KIZ: variants seen among roughly 807,000 people sequenced by gnomAD.
KIZ encodes the protein centrosomal protein kizuna.
Under a neutral mutation model 79.6 loss-of-function variants are expected in KIZ, and 68 were observed. The ratio of observed to expected loss-of-function variants is 0.85; its 90% CI spans 0.70 to 1.05. The LOEUF (loss-of-function observed/expected upper bound fraction) is 1.05. Among genes scored for constraint, KIZ ranks in the 50% least tolerant of loss-of-function variants. The probability of loss-of-function intolerance (pLI) is 0.00; values close to 1 mark genes in which losing one functional copy is unlikely to be tolerated. For missense variants in KIZ, 797 were observed against 800.4 expected, an observed-to-expected ratio of 1.00 and a Z score of 0.05; for synonymous variants, 280 against 281.8, an observed-to-expected ratio of 0.99 and a Z score of 0.06.
intron 6 of KIZ, among the ~76,000 whole-genome samples, chr20:21,169,693 CT>C (rs1320542812): frequency 4.6e-5 from 7 of 152,232 alleles, no homozygotes; most frequent in Admixed American, 4.6e-4. Context: ...AAAATAGTTT[CT>C]CTACTTGAAA....
intron 8 of KIZ, 79 bp from the exon 9 acceptor site, chr20:21,215,504 T>TA (rs1283674314): frequency 4.2e-6 from 3 of 711,520 alleles, no homozygotes; most frequent in Non-Finnish European, 6.8e-6. Context: ...AAAGTGAACA[T>TA]AAAGGGAAGG....
At chr20:21,165,133 G>T (rs926124780) in intron 6 of KIZ, among the ~76,000 whole-genome samples, 19 of 152,102 alleles carry the variant, frequency 1.2e-4, no homozygotes, top group African/African-American at 4.1e-4. Context: ...TATTTCAATT[G>T]ACTTTAGGGT....
intron 7 of KIZ, among the ~76,000 whole-genome samples, chr20:21,210,998 G>A (rs924536422): frequency 1.3e-5 from 2 of 152,086 alleles, no homozygotes; most frequent in South Asian, 2.1e-4. Context: ...TGGACATTTT[G>A]TTGCAATCTT....
chr20:21,126,075 G>GA (rs397791672), upstream of KIZ: 1 of 1,474,372 alleles, frequency 6.8e-7, no homozygotes, highest in Non-Finnish European at 9.0e-7. Context: ...CGGCCGAACG[G>GA]CCACCCAGAG....
chr20:21,162,376 T>C lies in KIZ; in HGVS notation c.911T>C (p.Leu304Pro). The C allele has an allele frequency of 6.2e-7, 1 of 1,613,884 alleles. No homozygotes were observed. The change falls in exon 5 of 13, where the codon CTG becomes CCG. Residue 304 changes from leucine (L) to proline (P), a missense_variant. Transcript: ENST00000619189. ...DSSSGSEGEILTREHIEVEEK... is the reference protein window; with the variant it reads ...DSSSGSEGEIPTREHIEVEEK... The stretch of plus-strand genomic sequence containing the variant: ...TCCAGCGGATCAGAGGGAGAAATAC[T>C]GACACGGGAACATATTGAAGTTGAG...
At chr20:21,165,226 G>T (rs2033874745) in intron 6 of KIZ, among the ~76,000 whole-genome samples, 4 of 152,198 alleles carry the variant, frequency 2.6e-5, no homozygotes, top group Admixed American at 2.6e-4. Context: ...ACACATAGGA[G>T]CATATGATCC....
In KIZ at chr20:21,196,343, G is replaced by A. The variant is rs144868334; in HGVS notation, c.1353-9148G>A. The A allele has an allele frequency of 6.4e-3, 979 of 152,542 alleles. 37 individuals are homozygous for A. Among genetic ancestry groups the A allele is most frequent in the Admixed American group, 0.043 (651 of 15,276 alleles). The allele number at this position is 152,542 out of a possible 1,614,324, so 9.4% of individuals were successfully genotyped here. A position where few individuals can be genotyped will look rare whatever the true frequency, so the allele number is the denominator to read the frequency against. On this transcript the variant is annotated intron_variant, in intron 6 of 12. Transcript: ENST00000619189. ...TCTCTCTAAAACCTGCCTGGCTCACGTTCCTCCTCCTTAGTGAAGCCCCTG... is the reference window on the plus strand; with the variant it reads ...TCTCTCTAAAACCTGCCTGGCTCACATTCCTCCTCCTTAGTGAAGCCCCTG...
intron 9 of KIZ, chr20:21,226,344 C>T (rs966324294): frequency 6.6e-6 from 1 of 152,382 alleles, no homozygotes; most frequent in African/African-American, 2.4e-5. Context: ...AATGCCCACC[C>T]TGTCCAGTCT....
intron 6 of KIZ, among the ~76,000 whole-genome samples, chr20:21,179,013 A>G (rs1447602851): frequency 1.3e-5 from 2 of 152,072 alleles, no homozygotes; most frequent in African/African-American, 4.8e-5. Flanking sequence ...TTCATTAGGC[A>G]TATTGGTCTG....
chr20:21,128,473 C>T (rs1026842605), intron 1 of KIZ, among the ~76,000 whole-genome samples: 1 of 152,116 alleles, frequency 6.6e-6, no homozygotes, highest in Non-Finnish European at 1.5e-5. Context: ...CAAAAAAAAA[C>T]TCCCTCTTTC....
intron 11 of KIZ, among the ~76,000 whole-genome samples, chr20:21,240,132 A>ATT (rs367965103): frequency 4.0e-5 from 6 of 150,400 alleles, no homozygotes; most frequent in African/African-American, 1.5e-4. Flanking sequence ...TTAATTAACT[A>ATT]TTTTTTTTTT....
intron 4 of KIZ, among the ~76,000 whole-genome samples, chr20:21,153,797 G>C (rs2033235640): frequency 6.6e-6 from 1 of 152,082 alleles, no homozygotes; most frequent in South Asian, 2.1e-4. Flanking sequence ...TGCATGAACT[G>C]AGAGATCATT....
chr20:21,192,150 TG>T (rs771391105), intron 6 of KIZ, among the ~76,000 whole-genome samples: 24 of 152,114 alleles, frequency 1.6e-4, no homozygotes, highest in Non-Finnish European at 3.4e-4. Context: ...GGAAAACAAT[TG>T]GAATTTGAAA....
intron 3 of KIZ, 125 bp downstream of exon 3, chr20:21,136,677 C>G: frequency 1.7e-6 from 1 of 596,346 alleles, no homozygotes; most frequent in Non-Finnish European, 2.9e-6. Flanking sequence ...AAGCAGTCCT[C>G]CTGTCTTAGC....
intron 7 of KIZ, among the ~76,000 whole-genome samples, chr20:21,209,623 A>T (rs2035981858): frequency 6.6e-6 from 1 of 152,250 alleles, no homozygotes. Context: ...ATTCCCTTTA[A>T]CGTAGAACTT....
At chr20:21,176,316 G>T (rs183659755) in intron 6 of KIZ, among the ~76,000 whole-genome samples, 73 of 152,056 alleles carry the variant, frequency 4.8e-4, no homozygotes, top group Middle Eastern at 3.4e-3. Context: ...TCTCAAATCA[G>T]TCAATCAATC....
chr20:21,149,192 G>A (rs1454927585), intron 4 of KIZ, among the ~76,000 whole-genome samples: 1 of 152,196 alleles, frequency 6.6e-6, no homozygotes. Flanking sequence ...CATCCATGCT[G>A]TTAACCACCT....
chr20:21,213,451 T>G (rs901001392), intron 7 of KIZ: 2 of 152,220 alleles, frequency 1.3e-5, no homozygotes, highest in Admixed American at 1.3e-4. Context: ...CCACTTCTGC[T>G]CTTTATATTA....
intron 6 of KIZ, among the ~76,000 whole-genome samples, chr20:21,199,086 C>T (rs2035480105): frequency 6.6e-6 from 1 of 152,162 alleles, no homozygotes; most frequent in Non-Finnish European, 1.5e-5. Flanking sequence ...ATTCTCTGCG[C>T]AAACTGAGTT....
Sources: allele counts gnomAD v4.1 joint callset (sites outside exome capture counted in the v4.1 genomes callset), GRCh38; gene constraint gnomAD v4.1.1; transcripts MANE v1.5; gene names NCBI Gene and HGNC (gene_info 2026-07-23, HGNC 2026-07-21).